Variants in BAZ1A observed in about 807,000 individuals in gnomAD.
The protein encoded by BAZ1A is bromodomain adjacent to zinc finger domain protein 1A.
BAZ1A carries 50 observed loss-of-function variants against 185.2 expected under a neutral mutation model. The observed-to-expected ratio is 0.27, with a 90% confidence interval of 0.22 to 0.34. BAZ1A has a LOEUF of 0.34. BAZ1A is among the 10% of genes least tolerant of loss of function. BAZ1A has a pLI of 1.00. For missense variants in BAZ1A, 1,356 were observed against 1,839.9 expected (o/e 0.74, Z 4.81); for synonymous variants, 571 against 615.6 (o/e 0.93, Z 1.07).
intron 19 of BAZ1A, among the ~76,000 whole-genome samples, chr14:34,774,084 G>A (rs569225099): frequency 6.6e-6 from 1 of 152,294 alleles, no homozygotes; most frequent in East Asian, 1.9e-4. Flanking sequence ...ACCAGACTCA[G>A]CAGAGAAGGC....
At position 34,753,313 on chromosome 14, in the gene BAZ1A, A is replaced by AAAT; in HGVS notation, c.*194_*195insATT. On this transcript the variant is annotated 3_prime_UTR_variant, in exon 27 of 27. Transcript: ENST00000360310. Reference sequence around the variant, plus strand: ...ATCCAATACATCTATCAAACTTATTAGATACTGAACAAAACTGTAGCAAAG... The same window carrying AAAT: ...ATCCAATACATCTATCAAACTTATTAAATGATACTGAACAAAACTGTAGCAAAG... 1 of 574,910 alleles carries AAAT rather than the reference A, an allele frequency of 1.7e-6. No individual in the cohort carries two copies. The highest frequency in any genetic ancestry group is 2.9e-5 in the East Asian group (1 of 34,742). The allele number at this position is 574,910 out of a possible 1,614,324, so 35.6% of individuals were successfully genotyped here.
intron 18 of BAZ1A, 73 bp downstream of exon 18, chr14:34,775,846 A>T: frequency 7.8e-7 from 1 of 1,282,570 alleles, no homozygotes; most frequent in Non-Finnish European, 1.1e-6. Context: ...AGGTTGCAAA[A>T]ACGCTTAATC....
Position 34,761,795 on chromosome 14 carries a change from C to T in BAZ1A, c.4205G>A (p.Ser1402Asn). Residue 1402 changes from serine (S) to asparagine (N), a missense_variant, in exon 24 of 27, where the codon AGT becomes AAT. This residue lies in a region of BAZ1A where 309 missense variants were observed against 355.3 expected (regional missense o/e 0.87). Coordinates refer to ENST00000360310, the MANE Select transcript of BAZ1A (RefSeq NM_013448.3). ...TTTTCTGCATCTTCTTTTGGATTCA[C>T]TCTCTTGGAGAGAAAGTTTTGAAGC... ...NIASKLSLQE[S>N]ESKRRCRKRQ... 3 of 1,613,796 alleles carry T rather than the reference C, an allele frequency of 1.9e-6. No individual in the cohort carries two copies. The highest frequency in any genetic ancestry group is 1.1e-5 in the South Asian group (1 of 91,036).
At chr14:34,775,822 A>C (rs1455268595) in intron 18 of BAZ1A, 97 bp downstream of exon 18, 1 of 907,392 alleles carries the variant, frequency 1.1e-6, no homozygotes, top group Non-Finnish European at 1.7e-6. Flanking sequence ...AGGTGTTGTA[A>C]ATGTATTTCT....
chr14:34,842,965 C>CG (rs1278449151), intron 3 of BAZ1A, among the ~76,000 whole-genome samples: 1 of 149,378 alleles, frequency 6.7e-6, no homozygotes, highest in Non-Finnish European at 1.5e-5. Context: ...ATTGAATTTA[C>CG]GGGAAAAAAA....
chr14:34,820,783 T>C (rs972108103), intron 4 of BAZ1A, among the ~76,000 whole-genome samples: 1 of 152,012 alleles, frequency 6.6e-6, no homozygotes, highest in Non-Finnish European at 1.5e-5. Context: ...CATGTAGATA[T>C]CCAGGTTTTT....
intron 3 of BAZ1A, among the ~76,000 whole-genome samples, chr14:34,834,737 G>C (rs1170494919): frequency 1.3e-5 from 2 of 152,080 alleles, no homozygotes; most frequent in African/African-American, 4.8e-5. Flanking sequence ...GATTTCTAGA[G>C]ACTTAGTCTA....
At position 34,874,096 on chromosome 14, in the gene BAZ1A, G is replaced by T. The variant is rs1166859703; in HGVS notation, c.113+396C>A. On this transcript the variant is annotated intron_variant, in intron 2 of 26. Transcript: ENST00000360310. The surrounding 1 kb of genome is among the most constrained non-coding windows in gnomAD (Gnocchi z 4.7). ...GCGGCCCCACGTCGCTGACCCTAGCGGGGATCCCCTCGGCCGCCGGGAGGG... is the reference window on the plus strand; with the variant it reads ...GCGGCCCCACGTCGCTGACCCTAGCTGGGATCCCCTCGGCCGCCGGGAGGG... 6.6e-6 allele frequency among the ~76,000 whole-genome samples: 1 copy of T among 152,092 alleles called. No individual in the cohort carries two copies. Among genetic ancestry groups the T allele is most frequent in the African/African-American group, 2.4e-5 (1 of 41,440 alleles).
intron 4 of BAZ1A, among the ~76,000 whole-genome samples, chr14:34,812,067 G>A (rs971819937): frequency 6.6e-6 from 1 of 152,086 alleles, no homozygotes; most frequent in Non-Finnish European, 1.5e-5. Context: ...AAACAGTGAC[G>A]AGATACAGGC....
At chr14:34,837,391 A>C (rs1160137390) in intron 3 of BAZ1A, among the ~76,000 whole-genome samples, 1 of 141,202 alleles carries the variant, frequency 7.1e-6, no homozygotes. Flanking sequence ...ACAGGCGAAT[A>C]CCACCACCCC....
At chr14:34,875,065 G>A in intron 1 of BAZ1A, 73 bp downstream of exon 1, 1 of 347,792 alleles carries the variant, frequency 2.9e-6, no homozygotes, top group South Asian at 2.1e-5. Flanking sequence ...GCGGACCCCG[G>A]AGCTGCTCCG....
chr14:34,833,501 TTGTGCGACAGAGCGA>T (rs1356779901), intron 3 of BAZ1A, among the ~76,000 whole-genome samples: 1 of 152,046 alleles, frequency 6.6e-6, no homozygotes, highest in Non-Finnish European at 1.5e-5. Context: ...GCACTCCAGC[TTGTGCGACAGAGCGA>T]GACTCCATCT....
chr14:34,825,093 C>T (rs541963659), intron 4 of BAZ1A, among the ~76,000 whole-genome samples: 53 of 152,264 alleles, frequency 3.5e-4, no homozygotes, highest in African/African-American at 1.3e-3. Context: ...TAGGTGGTTA[C>T]AGCATTTCTT....
At position 34,814,922 on chromosome 14, in the gene BAZ1A, C is replaced by T. The variant is rs369902710; in HGVS notation, c.537-3886G>A. Among the ~76,000 whole-genome samples the T allele has an allele frequency of 2.5e-4, 38 of 151,824 alleles. No homozygotes were observed. The Middle Eastern group carries it at 0.01, about 41-fold the overall frequency. On this transcript the variant is annotated intron_variant, in intron 4 of 26. Transcript: ENST00000360310. Reference sequence around the variant, plus strand: ...CCGAGTAGCTGGGATTACAGGTGCCCGCCACCACACCTAGCTAATTTTATG... The same window carrying T: ...CCGAGTAGCTGGGATTACAGGTGCCTGCCACCACACCTAGCTAATTTTATG...
At chr14:34,758,987 T>G in intron 24 of BAZ1A, 141 bp from the exon 25 acceptor site, 1 of 828,518 alleles carries the variant, frequency 1.2e-6, no homozygotes, top group South Asian at 2.2e-5. Context: ...TTCTGGGAGA[T>G]ATGAAAATTC....
intron 12 of BAZ1A, among the ~76,000 whole-genome samples, chr14:34,788,375 C>T (rs773278752): frequency 6.6e-6 from 1 of 152,022 alleles, no homozygotes; most frequent in Non-Finnish European, 1.5e-5. Flanking sequence ...GCAATCTCAG[C>T]TCACTACAAC....
At position 34,776,422 on chromosome 14, in the gene BAZ1A, G is replaced by A. The variant is rs760793086; in HGVS notation, c.2330C>T (p.Ala777Val). The change falls in exon 18 of 27, where the codon GCA becomes GTA. Residue 777 changes from alanine to valine, a missense_variant. Ala to Val is a moderately conservative substitution (Grantham distance 64, BLOSUM62 0). Transcript: ENST00000360310. Reference sequence around the variant, plus strand: ...TTTTCGTTGGTGTTCCTGTTTTAATGCTTCTTCCTCATCAGCAGTAAGAGG... The same window carrying A: ...TTTTCGTTGGTGTTCCTGTTTTAATACTTCTTCCTCATCAGCAGTAAGAGG... ...REPLTADEEE[A>V]LKQEHQRKEK... The A allele has an allele frequency of 5.6e-6, 9 of 1,613,826 alleles. No individual in the cohort carries two copies. The highest frequency in any genetic ancestry group is 7.6e-6 in the Non-Finnish European group (9 of 1,180,028).
chr14:34,866,348 C>T (rs943399708), intron 2 of BAZ1A, among the ~76,000 whole-genome samples: 9 of 151,708 alleles, frequency 5.9e-5, no homozygotes, highest in African/African-American at 1.7e-4. Flanking sequence ...GCCAGGTCCA[C>T]GTGGTGGCAC....
rs1555346708 is a variant in BAZ1A at position 34,873,777 on chromosome 14, C to CAA, written c.113+714_113+715insTT. Among the ~76,000 whole-genome samples the CAA allele has an allele frequency of 5.3e-5, 8 of 151,876 alleles. 1 individual carries two copies. The South Asian group carries it at 1.5e-3, about 28-fold the overall frequency. On this transcript the variant is annotated intron_variant, in intron 2 of 26. Coordinates refer to ENST00000360310, the MANE Select transcript of BAZ1A (RefSeq NM_013448.3). ...GCGGAGACGCTGAGTTCCCCGGAGACGAGTTAGTCACCAAGAAGAGGCGGT... is the reference window on the plus strand; with the variant it reads ...GCGGAGACGCTGAGTTCCCCGGAGACAAGAGTTAGTCACCAAGAAGAGGCGGT...
Sources: gnomAD v4.1 joint callset for allele counts (sites outside exome capture counted in the v4.1 genomes callset) on GRCh38, gnomAD v4.1.1 for gene constraint, gnomAD v4.1.1 regional missense constraint, Gnocchi (gnomAD v3.1) non-coding constraint, MANE v1.5 for transcripts, NCBI Gene and HGNC (gene_info 2026-07-23, HGNC 2026-07-21) for gene names.